Variants in PRKCE observed in about 807,000 individuals in gnomAD.
PRKCE encodes the protein protein kinase C epsilon.
A neutral mutation model predicts 85.4 loss-of-function variants in PRKCE; 16 were observed. That is an observed-to-expected ratio of 0.19 (90% CI 0.13 to 0.28). The LOEUF is 0.28. Among genes scored for constraint, PRKCE ranks in the 10% least tolerant of loss-of-function variants. PRKCE has a pLI of 1.00. For synonymous variants in PRKCE, 388 were observed against 371.5 expected, an observed-to-expected ratio of 1.04 and a Z score of -0.51; for missense variants, 573 against 975.2, an observed-to-expected ratio of 0.59 and a Z score of 5.49.
chr2:45,917,527 C>T (rs1381785725), intron 2 of PRKCE, among the ~76,000 whole-genome samples: 1 of 152,120 alleles, frequency 6.6e-6, no homozygotes, highest in Non-Finnish European at 1.5e-5. Flanking sequence ...TACAGAGTGC[C>T]GATTGGTGTA....
intron 2 of PRKCE, among the ~76,000 whole-genome samples, chr2:45,931,515 C>G (rs1218586705): frequency 2.0e-5 from 3 of 152,214 alleles, no homozygotes; most frequent in Admixed American, 1.3e-4. Context: ...TGGTAAATTA[C>G]TCTAGTTGGA....
chr2:46,081,082 C>G (rs998240614), intron 10 of PRKCE, among the ~76,000 whole-genome samples: 1 of 152,178 alleles, frequency 6.6e-6, no homozygotes, highest in Non-Finnish European at 1.5e-5. Flanking sequence ...GCCTTCACCT[C>G]CTGGGCTCAA....
At chr2:46,056,020 G>A (rs1260941027) in intron 10 of PRKCE, among the ~76,000 whole-genome samples, 1 of 152,030 alleles carries the variant, frequency 6.6e-6, no homozygotes, top group Non-Finnish European at 1.5e-5. Flanking sequence ...GGACTTCAGG[G>A]GTCCATTTTT....
intron 2 of PRKCE, among the ~76,000 whole-genome samples, chr2:45,926,919 G>T (rs1027748602): frequency 6.6e-6 from 1 of 152,160 alleles, no homozygotes; most frequent in African/African-American, 2.4e-5. Context: ...GTGTGAGTGT[G>T]GATAGGACAC....
chr2:45,754,901 G>A (rs1683877437), intron 1 of PRKCE, among the ~76,000 whole-genome samples: 1 of 152,236 alleles, frequency 6.6e-6, no homozygotes, highest in Non-Finnish European at 1.5e-5. Context: ...GAGGCTGCCA[G>A]GAGGGAAGGA....
rs144964530 is a variant in PRKCE at position 46,026,463 on chromosome 2, G to A, written c.1437+15946G>A. Among the ~76,000 whole-genome samples the A allele has an allele frequency of 1.2e-3, 184 of 152,298 alleles. 1 individual carries two copies. Among genetic ancestry groups the A allele is most frequent in the African/African-American group, 4.4e-3 (182 of 41,566 alleles). On this transcript the variant is annotated intron_variant, in intron 10 of 14. Transcript: ENST00000306156. ...GGAAATGTTACCTTTTTGGAAGATG[G>A]TATCATGCAGAAGGTTTGAATGCAT...
At chr2:46,048,501 C>G (rs1558392815) in intron 10 of PRKCE, among the ~76,000 whole-genome samples, 1 of 152,208 alleles carries the variant, frequency 6.6e-6, no homozygotes, top group Non-Finnish European at 1.5e-5. Flanking sequence ...GCCAGTGCCT[C>G]CTACCGAGCA....
At chr2:46,027,973 G>C (rs888492604) in intron 10 of PRKCE, among the ~76,000 whole-genome samples, 1 of 151,734 alleles carries the variant, frequency 6.6e-6, no homozygotes, top group African/African-American at 2.4e-5. Context: ...ATGGAGTCGG[G>C]CTCTGTGGCC....
intron 1 of PRKCE, among the ~76,000 whole-genome samples, chr2:45,819,084 G>T (rs935907105): frequency 2.0e-5 from 3 of 152,182 alleles, no homozygotes; most frequent in Admixed American, 1.3e-4. Context: ...AAGCAGAGAG[G>T]AGTAGGTATA....
intron 8 of PRKCE, 87 bp from the exon 9 acceptor site, chr2:46,007,375 T>A: frequency 7.4e-7 from 1 of 1,344,990 alleles, no homozygotes; most frequent in East Asian, 2.3e-5. Flanking sequence ...ACTGAGAGCT[T>A]ACAGGGGAAA....
intron 1 of PRKCE, among the ~76,000 whole-genome samples, chr2:45,746,091 G>A (rs536564366): frequency 3.9e-5 from 6 of 152,126 alleles, no homozygotes; most frequent in Admixed American, 1.3e-4. Flanking sequence ...TCTGCTTTCC[G>A]AGATGTTCCT....
At chr2:45,795,695 A>G (rs1687383007) in intron 1 of PRKCE, among the ~76,000 whole-genome samples, 1 of 152,144 alleles carries the variant, frequency 6.6e-6, no homozygotes, top group African/African-American at 2.4e-5. Context: ...AGCTTCTTCA[A>G]ACCACACAAA....
At chr2:45,798,835 A>G (rs1243383077) in intron 1 of PRKCE, among the ~76,000 whole-genome samples, 1 of 150,650 alleles carries the variant, frequency 6.6e-6, no homozygotes, top group African/African-American at 2.4e-5. Context: ...TGTATTTCTT[A>G]TTATTATGGG....
intron 2 of PRKCE, among the ~76,000 whole-genome samples, chr2:45,938,534 G>C (rs1699643080): frequency 6.6e-6 from 1 of 151,932 alleles, no homozygotes; most frequent in South Asian, 2.1e-4. Context: ...CAACATTTCA[G>C]CGCCCACCCC....
At chr2:45,738,340 T>A (rs1409715341) in intron 1 of PRKCE, among the ~76,000 whole-genome samples, 3 of 152,236 alleles carry the variant, frequency 2.0e-5, no homozygotes, top group Non-Finnish European at 4.4e-5. Flanking sequence ...GTAGATAAAG[T>A]ACACTTCAGC....
chr2:45,996,423 G>A (rs890844649), intron 6 of PRKCE, among the ~76,000 whole-genome samples: 3 of 152,100 alleles, frequency 2.0e-5, no homozygotes, highest in Admixed American at 6.5e-5. Flanking sequence ...GTGAGAGGGA[G>A]CATCCTTTTT....
At chr2:46,016,355 T>C (rs527524358) in intron 10 of PRKCE, among the ~76,000 whole-genome samples, 1 of 150,984 alleles carries the variant, frequency 6.6e-6, no homozygotes, top group African/African-American at 2.4e-5. Context: ...GAGCTGGCGG[T>C]TCTCTGGCCG....
rs1452837086 is a variant in PRKCE, at chr2:46,068,118, G to A, written c.1438-18090G>A. On this transcript the variant is annotated intron_variant, in intron 10 of 14. Coordinates refer to ENST00000306156, the MANE Select transcript of PRKCE (RefSeq NM_005400.3). The surrounding 1 kb of genome is among the most constrained non-coding windows in gnomAD (Gnocchi z 4.3). ...TGTCTGCACTTTTACATTATCAGTG[G>A]GTAGAATCTCCCTTTGAGATTCTTA... is the stretch of plus-strand genomic sequence containing the variant. 1.3e-5 allele frequency among the ~76,000 whole-genome samples: 2 copies of A among 152,040 alleles called. No homozygotes were observed. The highest frequency in any genetic ancestry group is 2.4e-5 in the African/African-American group (1 of 41,392).
chr2:46,040,941 G>A (rs1032386415), intron 10 of PRKCE, among the ~76,000 whole-genome samples: 5 of 152,218 alleles, frequency 3.3e-5, no homozygotes, highest in African/African-American at 1.2e-4. Context: ...CTAGGTCACA[G>A]CTAAAGCTGC....
Sources: gnomAD v4.1 joint callset for allele counts (sites outside exome capture counted in the v4.1 genomes callset) on GRCh38, gnomAD v4.1.1 for gene constraint, Gnocchi (gnomAD v3.1) non-coding constraint, MANE v1.5 for transcripts, NCBI Gene and HGNC (gene_info 2026-07-23, HGNC 2026-07-21) for gene names.